TMEM147: variants seen among roughly 807,000 people sequenced by gnomAD.
TMEM147 encodes transmembrane protein 147.
Under a neutral mutation model 29.4 loss-of-function variants are expected in TMEM147, and 29 were observed. The observed-to-expected ratio is 0.99, with a 90% CI of 0.73 to 1.34. The LOEUF (loss-of-function observed/expected upper bound fraction) is 1.34, where lower values mean the gene tolerates loss of function less well. Ranked by LOEUF, TMEM147 falls within the 40% of genes most tolerant of loss-of-function variation. The probability of loss-of-function intolerance (pLI) is 0.00; values close to 1 mark genes in which losing one functional copy is unlikely to be tolerated. For missense variants in TMEM147, 260 were observed against 289.4 expected, an observed-to-expected ratio of 0.90 and a Z score of 0.74; for synonymous variants, 121 against 111.8, an observed-to-expected ratio of 1.08 and a Z score of -0.52.
intron 2 of TMEM147, 103 bp downstream of exon 2, chr19:35,546,060 C>T: frequency 7.6e-7 from 1 of 1,313,388 alleles, no homozygotes; most frequent in Non-Finnish European, 1.1e-6. Context: ...ACGGTGGGAC[C>T]GCCCTCGGGA....
chr19:35,545,891 C>T lies in TMEM147; in HGVS notation c.81C>T (p.Ser27=), dbSNP rs751827727. The T allele has an allele frequency of 1.5e-5, 25 of 1,613,870 alleles. No individual in the cohort carries two copies. Among genetic ancestry groups the T allele is most frequent in the Non-Finnish European group, 2.1e-5 (25 of 1,179,940 alleles). The change falls in exon 2 of 7, where the codon TCC becomes TCT. Residue 27 remains serine (S), a synonymous_variant. Coordinates refer to ENST00000222284, the MANE Select transcript of TMEM147 (RefSeq NM_032635.4). ...CCCTCACCTCCCGCTTCTCCAGGTC[C>T]GAGTACAACGCCTTCTGGAAATGCG... ...YFITYKCSGL[S]EYNAFWKCVQ... is the part of the protein sequence containing the mutation.
rs1231263221 is a variant in TMEM147, at chr19:35,546,736, A to G, written c.272A>G (p.Asn91Ser). The G allele has an allele frequency of 5.6e-6, 9 of 1,614,234 alleles. No individual in the cohort carries two copies. The highest frequency in any genetic ancestry group is 7.6e-6 in the Non-Finnish European group (9 of 1,180,040). ...LIGLNLVMSR[N>S]AGKGEYKIMV... ...GGTCTAAACCTTGTCATGTCCCGGA[A>G]TGCCGGCAAGGGAGAGTACAAGATC... Residue 91 changes from asparagine to serine, a missense_variant, in exon 4 of 7, where the codon AAT becomes AGT. Transcript: ENST00000222284.
Position 35,546,712 on chromosome 19 carries a change from G to A in TMEM147, c.248G>A (p.Gly83Asp), listed in dbSNP as rs1233896370. The A allele has an allele frequency of 2.5e-6, 4 of 1,614,210 alleles. No individual in the cohort carries two copies. Among genetic ancestry groups the A allele is most frequent in the Non-Finnish European group, 3.4e-6 (4 of 1,180,042 alleles). ...KASVDVADLI[G>D]LNLVMSRNAG... ...AGCGTGGATGTGGCAGACCTGATAG[G>A]TCTAAACCTTGTCATGTCCCGGAAT... is the stretch of plus-strand genomic sequence containing the variant. Residue 83 changes from glycine to aspartate, a missense_variant, in exon 4 of 7, where the codon GGT (glycine) becomes GAT (aspartate). Gly to Asp is a moderately conservative substitution (Grantham distance 94). Coordinates refer to ENST00000222284, the MANE Select transcript of TMEM147 (RefSeq NM_032635.4).
In TMEM147 at chr19:35,545,969, C is replaced by T. The variant is rs762098608; in HGVS notation, c.147+12C>T. ...TCCAACTCTGCAAGGTGAGGGCCAC[C>T]GGGAAGCCACGTGTTCTGGCCCCCA... On this transcript the variant is annotated intron_variant, in intron 2 of 6. Coordinates refer to ENST00000222284, the MANE Select transcript of TMEM147 (RefSeq NM_032635.4). 11 of 1,612,022 alleles carry T rather than the reference C, an allele frequency of 6.8e-6. No homozygotes were observed. Among genetic ancestry groups the T allele is most frequent in the Admixed American group, 3.3e-5 (2 of 59,904 alleles).
chr19:35,547,467 G>T lies in TMEM147; in HGVS notation c.*20G>T. 1 of 1,609,320 alleles carries T rather than the reference G, an allele frequency of 6.2e-7. No homozygotes were observed. ...TCCTAGGCTTGGTGTCTCAGACATT[G>T]ATGTACCTTTTCCCTGCCTCACTCC... On this transcript the variant is annotated 3_prime_UTR_variant, in exon 7 of 7. Transcript: ENST00000222284.
In TMEM147 at chr19:35,545,645, C is replaced by A; in HGVS notation, c.-95C>A. Reference sequence around the variant, plus strand: ...CCCGCCAGTCAGGTGGGTGCCAGGCCCTGGCCGTGGCGAAAGAGCCGGCGG... The same window carrying A: ...CCCGCCAGTCAGGTGGGTGCCAGGCACTGGCCGTGGCGAAAGAGCCGGCGG... On this transcript the variant is annotated 5_prime_UTR_variant, in exon 1 of 7. Coordinates refer to ENST00000222284, the MANE Select transcript of TMEM147 (RefSeq NM_032635.4). 1 of 1,405,046 alleles carries A rather than the reference C, an allele frequency of 7.1e-7. No individual in the cohort carries two copies. The highest frequency in any genetic ancestry group is 9.6e-7 in the Non-Finnish European group (1 of 1,037,858). 87.0% of individuals were successfully genotyped at this position (1,405,046 alleles called of 1,614,324 possible). A position where few individuals can be genotyped will look rare whatever the true frequency, so the allele number is the denominator to read the frequency against.
Position 35,545,674 on chromosome 19 carries a change from C to G in TMEM147, c.-66C>G. 2 of 1,563,380 alleles carry G rather than the reference C, an allele frequency of 1.3e-6. No homozygotes were observed. The highest frequency in any genetic ancestry group is 1.1e-5 in the South Asian group (1 of 88,674). ...GCCGTGGCGAAAGAGCCGGCGGAGC[C>G]GGAGACCCGCTCCCGGAGACGCCGC... is the stretch of plus-strand genomic sequence containing the variant. On this transcript the variant is annotated 5_prime_UTR_variant, in exon 1 of 7. Transcript: ENST00000222284.
chr19:35,545,966 C>A lies in TMEM147; in HGVS notation c.147+9C>A, dbSNP rs775258727. On this transcript the variant is annotated intron_variant, in intron 2 of 6. Transcript: ENST00000222284. Reference sequence around the variant, plus strand: ...TTGTCCAACTCTGCAAGGTGAGGGCCACCGGGAAGCCACGTGTTCTGGCCC... The same window carrying A: ...TTGTCCAACTCTGCAAGGTGAGGGCAACCGGGAAGCCACGTGTTCTGGCCC... The A allele has an allele frequency of 6.2e-7, 1 of 1,612,572 alleles. No homozygotes were observed. The highest frequency in any genetic ancestry group is 1.7e-5 in the Admixed American group (1 of 59,928).
chr19:35,547,328 T>G lies in TMEM147; in HGVS notation c.556T>G (p.Phe186Val). Reference sequence around the variant, plus strand: ...TATTGTGACATTTTCCTGCAGGACCTTCGTCCACCTCTGCTCGCTGGGCAG... The same window carrying G: ...TATTGTGACATTTTCCTGCAGGACCGTCGTCCACCTCTGCTCGCTGGGCAG... The part of the protein sequence containing the change: ...SVYKAFVMET[F>V]VHLCSLGSWA... The change falls in exon 7 of 7, where the codon TTC (phenylalanine) becomes GTC (valine). Residue 186 changes from phenylalanine to valine, a missense_variant. Transcript: ENST00000222284. The G allele has an allele frequency of 6.2e-7, 1 of 1,613,930 alleles. No individual in the cohort carries two copies.
intron 2 of TMEM147, 108 bp from the exon 3 acceptor site, chr19:35,546,418 C>T (rs2071557605): frequency 7.5e-7 from 1 of 1,328,038 alleles, no homozygotes; most frequent in East Asian, 2.4e-5. Flanking sequence ...AGATGGGCCC[C>T]CAGAACCTGT....
chr19:35,545,656 C>A lies in TMEM147; in HGVS notation c.-84C>A, dbSNP rs1372102616. ...GGTGGGTGCCAGGCCCTGGCCGTGG[C>A]GAAAGAGCCGGCGGAGCCGGAGACC... is the stretch of plus-strand genomic sequence containing the variant. On this transcript the variant is annotated 5_prime_UTR_variant, in exon 1 of 7. Transcript: ENST00000222284. The A allele has an allele frequency of 5.4e-6, 8 of 1,489,372 alleles. No homozygotes were observed. The allele number at this position is 1,489,372 out of a possible 1,614,324, so 92.3% of individuals were successfully genotyped here.
chr19:35,546,228 G>A lies in TMEM147; in HGVS notation c.147+271G>A, dbSNP rs933702573. 5.0e-6 allele frequency: 3 copies of A among 603,136 alleles called. No individual in the cohort carries two copies. In the African/African-American group the frequency reaches 5.6e-5, roughly 11 times the overall value. The allele number at this position is 603,136 out of a possible 1,614,324, so 37.4% of individuals were successfully genotyped here. A position where few individuals can be genotyped will look rare whatever the true frequency, so the allele number is the denominator to read the frequency against. ...AACAGGTTTTTTTTGGTGCGGTTAA[G>A]AGTGATCACTGATTCCGTACGTGCT... is the stretch of plus-strand genomic sequence containing the variant. On this transcript the variant is annotated intron_variant, in intron 2 of 6. Coordinates refer to ENST00000222284, the MANE Select transcript of TMEM147 (RefSeq NM_032635.4).
chr19:35,547,227 G>C lies in TMEM147; in HGVS notation c.538G>C (p.Ala180Pro), dbSNP rs1239387095. Residue 180 changes from alanine (A) to proline (P), a missense_variant, in exon 6 of 7, where the codon GCC becomes CCC. Physicochemically the swap from Ala to Pro is conservative, Grantham distance 27 (BLOSUM62 -1). Coordinates refer to ENST00000222284, the MANE Select transcript of TMEM147 (RefSeq NM_032635.4). Reference sequence around the variant, plus strand: ...GCTGATGTTCCTCAGTGTCTACAAGGCCTTTGTTATGGAGTGAGTTGGGTG... The same window carrying C: ...GCTGATGTTCCTCAGTGTCTACAAGCCCTTTGTTATGGAGTGAGTTGGGTG... ...LLLMFLSVYK[A>P]FVMETFVHLC... 3.1e-6 allele frequency: 5 copies of C among 1,614,028 alleles called. No homozygotes were observed. The highest frequency in any genetic ancestry group is 1.3e-5 in the African/African-American group (1 of 74,904).
At chr19:35,546,015 C>T (rs1390025489) in intron 2 of TMEM147, 58 bp downstream of exon 2, 6 of 1,566,650 alleles carry the variant, frequency 3.8e-6, no homozygotes, top group African/African-American at 1.4e-5. Flanking sequence ...ACCCAGGGAC[C>T]CGCCCCCGTT....
At chr19:35,546,044 C>T (rs2071552871) in intron 2 of TMEM147, 87 bp downstream of exon 2, 3 of 1,467,062 alleles carry the variant, frequency 2.0e-6, no homozygotes, top group Non-Finnish European at 1.8e-6. Context: ...GCGCCCCCGC[C>T]GCCCCACGGT....
intron 1 of TMEM147, 34 bp downstream of exon 1, chr19:35,545,850 G>A (rs369731056): frequency 6.2e-7 from 1 of 1,613,712 alleles, no homozygotes; most frequent in African/African-American, 1.3e-5. Context: ...CGGAGAGGGC[G>A]CGGGGCCCGG....
At chr19:35,546,307 T>C in intron 2 of TMEM147, 1 of 611,322 alleles carries the variant, frequency 1.6e-6, no homozygotes, top group Non-Finnish European at 2.9e-6. Context: ...TGCCCTGTGA[T>C]CACCCAGAAC....
In TMEM147 at chr19:35,547,426, C is replaced by T. The variant is rs761415602; in HGVS notation, c.654C>T (p.Ala218=). The T allele has an allele frequency of 4.3e-6, 7 of 1,613,594 alleles. No homozygotes were observed. Among genetic ancestry groups the T allele is most frequent in the South Asian group, 3.3e-5 (3 of 91,078 alleles). ...LALSTLALYV[A]VVNVHS ...TCAGCACTTTGGCCCTGTATGTCGC[C>T]GTTGTCAATGTGCACTCCTAGGCTT... The change falls in exon 7 of 7, where the codon GCC becomes GCT. Residue 218 remains alanine, a synonymous_variant. Transcript: ENST00000222284.
Position 35,547,226 on chromosome 19 carries a change from G to A in TMEM147, c.537G>A (p.Lys179=), listed in dbSNP as rs1171122959. 5 of 1,614,042 alleles carry A rather than the reference G, an allele frequency of 3.1e-6. No homozygotes were observed. In the East Asian group the frequency reaches 1.1e-4, roughly 36 times the overall value. ...VLLLMFLSVY[K]AFVMETFVHL... Reference sequence around the variant, plus strand: ...TGCTGATGTTCCTCAGTGTCTACAAGGCCTTTGTTATGGAGTGAGTTGGGT... The same window carrying A: ...TGCTGATGTTCCTCAGTGTCTACAAAGCCTTTGTTATGGAGTGAGTTGGGT... Residue 179 remains lysine (K), a synonymous_variant, in exon 6 of 7, where the codon AAG becomes AAA. Transcript: ENST00000222284.
Sources: allele counts gnomAD v4.1 joint callset, GRCh38; gene constraint gnomAD v4.1.1; transcripts MANE v1.5; gene names NCBI Gene and HGNC (gene_info 2026-07-23, HGNC 2026-07-21).